IGSF11: variants seen among roughly 807,000 people sequenced by gnomAD.
The protein encoded by IGSF11 is immunoglobulin superfamily member 11.
IGSF11 carries 22 observed loss-of-function variants against 41.0 expected under a neutral mutation model. That is an observed-to-expected ratio of 0.54 (90% CI 0.38 to 0.77). The LOEUF is 0.77. Ranked by LOEUF, IGSF11 falls within the 30% of genes least tolerant of loss-of-function variation. The pLI, the probability that IGSF11 is intolerant of heterozygous loss-of-function variation, is 0.00. For synonymous variants in IGSF11, 219 were observed against 201.3 expected, an observed-to-expected ratio of 1.09 and a Z score of -0.74; for missense variants, 444 against 530.8, an observed-to-expected ratio of 0.84 and a Z score of 1.61.
chr3:118,988,350 C>A (rs1486988497), intron 1 of IGSF11, among the ~76,000 whole-genome samples: 1 of 152,106 alleles, frequency 6.6e-6, no homozygotes, highest in Non-Finnish European at 1.5e-5. Flanking sequence ...AGAGATAATT[C>A]AGTCTGGAAT....
intron 1 of IGSF11, among the ~76,000 whole-genome samples, chr3:119,143,028 G>C (rs2077670990): frequency 6.6e-6 from 1 of 152,004 alleles, no homozygotes; most frequent in Non-Finnish European, 1.5e-5. Context: ...AAGAAATTAA[G>C]ACATTCCCAG....
chr3:118,916,825 C>T (rs1172118904), intron 4 of IGSF11, among the ~76,000 whole-genome samples: 9 of 151,754 alleles, frequency 5.9e-5, no homozygotes, highest in Non-Finnish European at 1.3e-4. Flanking sequence ...CACCACACCA[C>T]ACCTATTCCA....
chr3:118,904,343 C>T (rs1291552227), intron 6 of IGSF11, among the ~76,000 whole-genome samples: 2 of 152,132 alleles, frequency 1.3e-5, no homozygotes, highest in Non-Finnish European at 2.9e-5. Flanking sequence ...ACGTTTTAGA[C>T]ACTACCTTTC....
intron 1 of IGSF11, among the ~76,000 whole-genome samples, chr3:119,115,092 T>C (rs1294184592): frequency 6.6e-6 from 1 of 152,190 alleles, no homozygotes; most frequent in Non-Finnish European, 1.5e-5. Flanking sequence ...ACCAGGTCCC[T>C]CCTTGAACAT....
Position 119,026,629 on chromosome 3 carries a change from A to G in IGSF11, c.52+7902T>C, listed in dbSNP as rs149882492. 3.3e-5 allele frequency among the ~76,000 whole-genome samples: 5 copies of G among 152,316 alleles called. No homozygotes were observed. In the South Asian group the frequency reaches 6.2e-4, roughly 19 times the overall value. ...GTTAAAAAAAAAATCCAGTTTCATT[A>G]AAGAATGTCTTTGATGAAGCAATAA... On this transcript the variant is annotated intron_variant, in intron 1 of 6. Coordinates refer to ENST00000393775, the MANE Select transcript of IGSF11 (RefSeq NM_001015887.3).
intron 1 of IGSF11, among the ~76,000 whole-genome samples, chr3:119,120,548 T>C (rs1458227789): frequency 2.0e-5 from 3 of 152,192 alleles, no homozygotes; most frequent in African/African-American, 7.2e-5. Flanking sequence ...CAATCAATTG[T>C]GTACAGAGGC....
In IGSF11 at chr3:118,902,272, C is replaced by G. The variant is rs1938956557; in HGVS notation, c.*248G>C. ...TCTGCTCTTGTATCTTTTTCCTTGG[C>G]TTGGCACATCTTTGAGATCCAGCAG... On this transcript the variant is annotated 3_prime_UTR_variant, in exon 7 of 7. Transcript: ENST00000393775. The G allele has an allele frequency of 4.4e-6, 2 of 452,212 alleles. No individual in the cohort carries two copies. The highest frequency in any genetic ancestry group is 3.7e-5 in the Admixed American group (1 of 27,134). 28.0% of individuals were successfully genotyped at this position (452,212 alleles called of 1,614,324 possible).
intron 1 of IGSF11, among the ~76,000 whole-genome samples, chr3:119,055,950 T>G (rs1017020908): frequency 1.3e-5 from 2 of 152,082 alleles, no homozygotes; most frequent in African/African-American, 2.4e-5. Context: ...CATACCAGAA[T>G]CTCTGGGACA....
chr3:119,098,551 T>C (rs1030530533), intron 1 of IGSF11, among the ~76,000 whole-genome samples: 8 of 152,212 alleles, frequency 5.3e-5, no homozygotes, highest in Non-Finnish European at 1.2e-4. Context: ...TTAACACATT[T>C]GCTGTATGAA....
intron 1 of IGSF11, among the ~76,000 whole-genome samples, chr3:118,984,306 T>A (rs1935043554): frequency 6.6e-6 from 1 of 152,172 alleles, no homozygotes; most frequent in South Asian, 2.1e-4. Flanking sequence ...CATTGGTTAA[T>A]GTATCATGAT....
chr3:118,905,450 T>C (rs947113265), intron 5 of IGSF11, 146 bp downstream of exon 5: 55 of 850,966 alleles, frequency 6.5e-5, no homozygotes, highest in Non-Finnish European at 9.9e-5. Flanking sequence ...TTATAAACAA[T>C]TTTCAATAAT....
intron 1 of IGSF11, among the ~76,000 whole-genome samples, chr3:119,027,660 C>T (rs1205115574): frequency 6.6e-6 from 1 of 152,146 alleles, no homozygotes; most frequent in Non-Finnish European, 1.5e-5. Flanking sequence ...ATTTCTAATA[C>T]AGTATCAATA....
At chr3:119,063,077 T>A (rs770677122) in intron 1 of IGSF11, among the ~76,000 whole-genome samples, 1 of 152,196 alleles carries the variant, frequency 6.6e-6, no homozygotes, top group Non-Finnish European at 1.5e-5. Context: ...CCAGGCTCTG[T>A]CCAGGGTACT....
At chr3:119,047,738 C>T (rs1341936760) in intron 1 of IGSF11, among the ~76,000 whole-genome samples, 8 of 151,912 alleles carry the variant, frequency 5.3e-5, no homozygotes, top group Non-Finnish European at 2.9e-5. Context: ...ATTGACCACA[C>T]ACTTGGAAGT....
At position 118,926,153 on chromosome 3, in the gene IGSF11, G is replaced by GT; in HGVS notation, c.527dup (p.Tyr176Ter). The change falls in exon 4 of 7, where the codon TAC becomes TAAC. Residue 176 changes from tyrosine (Y) to a stop codon, truncating the protein, a stop_gained and frameshift_variant. Coordinates refer to ENST00000393775, the MANE Select transcript of IGSF11 (RefSeq NM_001015887.3). LOFTEE classifies it high-confidence loss of function. Reference protein sequence around the residue: ...SSEEGIPRPTYLWEKLDNTLK... With the variant: ...SSEEGIPRPT ...GGGTATTGTCTAACTTCTCCCAAAGGTAAGTTGGTCGAGGAATGCCTTCCT... is the reference window on the plus strand; with the variant it reads ...GGGTATTGTCTAACTTCTCCCAAAGGTTAAGTTGGTCGAGGAATGCCTTCCT... The GT allele has an allele frequency of 6.2e-7, 1 of 1,612,156 alleles. No homozygotes were observed. The highest frequency in any genetic ancestry group is 8.5e-7 in the Non-Finnish European group (1 of 1,178,780).
chr3:119,074,851 C>CA (rs1345716699), intron 1 of IGSF11, among the ~76,000 whole-genome samples: 2 of 151,186 alleles, frequency 1.3e-5, no homozygotes, highest in African/African-American at 2.4e-5. Flanking sequence ...GACTCCGTCT[C>CA]AAAAAAATAA....
At chr3:119,051,398 AT>A (rs1941621305) in intron 1 of IGSF11, among the ~76,000 whole-genome samples, 1 of 152,132 alleles carries the variant, frequency 6.6e-6, no homozygotes, top group South Asian at 2.1e-4. Context: ...TTATATAATA[AT>A]AAAAAGATTA....
At chr3:119,073,324 C>T (rs548227498) in intron 1 of IGSF11, among the ~76,000 whole-genome samples, 1 of 152,362 alleles carries the variant, frequency 6.6e-6, no homozygotes, top group East Asian at 1.9e-4. Context: ...CTCAGGAGCC[C>T]AGCCGGCTTT....
At position 119,116,828 on chromosome 3, in the gene IGSF11, C is replaced by G. The variant is rs73185866; in HGVS notation, c.-13-11623G>C. ...TTTTTTGCATATCTGACACCCATGT[C>G]TCCACCTGGACCTGATGGCTCTACC... is the stretch of plus-strand genomic sequence containing the variant. On this transcript the variant is annotated intron_variant, in intron 1 of 7. Transcript: ENST00000425327. 5.1e-3 allele frequency among the ~76,000 whole-genome samples: 771 copies of G among 152,260 alleles called. 6 individuals are homozygous for G. Among genetic ancestry groups the G allele is most frequent in the Non-Finnish European group, 8.8e-3 (601 of 68,016 alleles).
Sources: allele counts gnomAD v4.1 joint callset (sites outside exome capture counted in the v4.1 genomes callset), GRCh38; gene constraint gnomAD v4.1.1; transcripts MANE v1.5; gene names NCBI Gene and HGNC (gene_info 2026-07-23, HGNC 2026-07-21).